Variants in TENM1 observed in about 807,000 individuals in gnomAD.
TENM1 encodes teneurin transmembrane protein 1.
Under a neutral mutation model 174.8 loss-of-function variants are expected in TENM1, and 35 were observed. That is an observed-to-expected ratio of 0.20 (90% CI 0.15 to 0.27). TENM1 has a LOEUF of 0.27. Among genes scored for constraint, TENM1 ranks in the 10% least tolerant of loss-of-function variants. The pLI is 1.00. For synonymous variants in TENM1, 781 were observed against 798.7 expected, an observed-to-expected ratio of 0.98 and a Z score of 0.37; for missense variants, 1,633 against 2,130.1, an observed-to-expected ratio of 0.77 and a Z score of 4.59.
At chrX:124,790,467 C>T (rs1480150377) in intron 3 of TENM1, among the ~76,000 whole-genome samples, 3 of 111,730 alleles carry the variant, frequency 2.7e-5, no homozygotes, top group African/African-American at 3.3e-5. Context: ...TTTTTGGGTA[C>T]GAAGTCACTC....
intron 14 of TENM1, among the ~76,000 whole-genome samples, chrX:124,557,317 G>A (rs988607888): frequency 1.2e-4 from 13 of 109,583 alleles, no homozygotes; most frequent in Admixed American, 5.8e-4. Context: ...CAAATATTTA[G>A]ATATTGGATG....
At chrX:124,414,238 C>T (rs1404350157) in intron 25 of TENM1, among the ~76,000 whole-genome samples, 1 of 111,661 alleles carries the variant, frequency 9.0e-6, no homozygotes, top group Non-Finnish European at 1.9e-5. Context: ...GGGCTTCCCA[C>T]AAAGGGCAAG....
chrX:125,048,455 T>C, the TENM1 span, among the ~76,000 whole-genome samples: 51 of 110,425 alleles, frequency 4.6e-4, no homozygotes, highest in South Asian at 0.019. Flanking sequence ...GGAATCCTAT[T>C]GTCTCATTAT....
At chrX:124,690,629 GTTT>G (rs1240951556) in intron 5 of TENM1, among the ~76,000 whole-genome samples, 1 of 109,967 alleles carries the variant, frequency 9.1e-6, no homozygotes, top group Non-Finnish European at 1.9e-5. Flanking sequence ...AATGGAAAGT[GTTT>G]GAGTCATGTG....
intron 21 of TENM1, among the ~76,000 whole-genome samples, chrX:124,482,828 C>A (rs1273543229): frequency 9.0e-6 from 1 of 111,707 alleles, no homozygotes; most frequent in Non-Finnish European, 1.9e-5. Flanking sequence ...CTACAATAAC[C>A]TTAGTTTTGG....
chrX:124,471,211 ATATAT>A (rs1167576268), intron 22 of TENM1, among the ~76,000 whole-genome samples: 1 of 45,918 alleles, frequency 2.2e-5, no homozygotes, highest in African/African-American at 7.1e-5. Flanking sequence ...ATATAGTACT[ATATAT>A]TATAATATAT....
intron 3 of TENM1, among the ~76,000 whole-genome samples, chrX:124,766,109 T>C (rs767423090): frequency 1.8e-5 from 2 of 111,694 alleles, no homozygotes; most frequent in East Asian, 5.6e-4. Context: ...GTCTGTGAGA[T>C]AGACATGGAA....
At chrX:124,974,157 T>A in the TENM1 span, among the ~76,000 whole-genome samples, 1 of 111,675 alleles carries the variant, frequency 9.0e-6, no homozygotes, top group Non-Finnish European at 1.9e-5. Flanking sequence ...GGCATCAAAG[T>A]TGCTTTTACA....
chrX:124,759,065 A>G (rs983766532), intron 3 of TENM1, among the ~76,000 whole-genome samples: 3 of 112,108 alleles, frequency 2.7e-5, no homozygotes, highest in Admixed American at 9.5e-5. Context: ...ATAAAAAGTC[A>G]TGCCATTTCT....
At chrX:124,840,836 C>T (rs903140535) in intron 3 of TENM1, among the ~76,000 whole-genome samples, 5 of 111,670 alleles carry the variant, frequency 4.5e-5, no homozygotes, top group African/African-American at 1.6e-4. Context: ...TAAAAATACC[C>T]ACATATATAA....
At chrX:124,789,780 T>G (rs1008028600) in intron 3 of TENM1, among the ~76,000 whole-genome samples, 2 of 111,776 alleles carry the variant, frequency 1.8e-5, no homozygotes, top group African/African-American at 3.3e-5. Context: ...GTTCCAAACT[T>G]TCCCACATTT....
intron 3 of TENM1, among the ~76,000 whole-genome samples, chrX:124,873,306 A>G (rs1034294597): frequency 1.8e-5 from 2 of 111,679 alleles, no homozygotes; most frequent in African/African-American, 6.5e-5. Context: ...AAAATTATTC[A>G]TTTATTGTGA....
the TENM1 span, among the ~76,000 whole-genome samples, chrX:125,121,665 T>G: frequency 0.54 from 60,342 of 110,819 alleles, 13,207 homozygotes; most frequent in East Asian, 0.73. Flanking sequence ...TCCTAGTTTT[T>G]GGGTAAAAAG....
the TENM1 span, among the ~76,000 whole-genome samples, chrX:124,979,400 G>A: frequency 1.8e-5 from 2 of 111,673 alleles, no homozygotes; most frequent in Non-Finnish European, 3.8e-5. Context: ...TTAATGGCAG[G>A]ATTTTATAGA....
At chrX:124,559,789 C>T (rs1384814785) in intron 14 of TENM1, among the ~76,000 whole-genome samples, 1 of 111,943 alleles carries the variant, frequency 8.9e-6, no homozygotes, top group Non-Finnish European at 1.9e-5. Flanking sequence ...TTATTTTCAA[C>T]ATATTGGGAA....
At chrX:124,754,118 T>C (rs1393284617) in intron 3 of TENM1, among the ~76,000 whole-genome samples, 1 of 111,622 alleles carries the variant, frequency 9.0e-6, no homozygotes, top group Non-Finnish European at 1.9e-5. Context: ...CATCTGGTCC[T>C]GGACTCTTTT....
intron 6 of TENM1, among the ~76,000 whole-genome samples, chrX:124,660,529 A>T (rs1003568248): frequency 8.9e-6 from 1 of 112,071 alleles, no homozygotes; most frequent in Non-Finnish European, 1.9e-5. Flanking sequence ...CAACTCAACA[A>T]TAAAAAGTTA....
At chrX:124,416,522 C>A (rs2060595621) in intron 25 of TENM1, among the ~76,000 whole-genome samples, 1 of 111,711 alleles carries the variant, frequency 9.0e-6, no homozygotes, top group Admixed American at 9.5e-5. Flanking sequence ...GTTTATATTT[C>A]TCAGCTATTA....
chrX:124,658,938 T>C (rs1372166867), intron 6 of TENM1, among the ~76,000 whole-genome samples: 1 of 112,103 alleles, frequency 8.9e-6, no homozygotes. Context: ...AGGATTTCTT[T>C]AAATTTTGTT....
Sources: gnomAD v4.1 joint callset for allele counts (sites outside exome capture counted in the v4.1 genomes callset) on GRCh38, gnomAD v4.1.1 for gene constraint, MANE v1.5 for transcripts, NCBI Gene and HGNC (gene_info 2026-07-23, HGNC 2026-07-21) for gene names.